KDM2B: variants seen among roughly 807,000 people sequenced by gnomAD.
KDM2B encodes lysine-specific demethylase 2B.
A neutral mutation model predicts 150.0 loss-of-function variants in KDM2B; 26 were observed. The observed-to-expected ratio is 0.17, with a 90% CI of 0.13 to 0.24. KDM2B has a LOEUF of 0.24. Ranked by LOEUF, KDM2B falls within the 10% of genes least tolerant of loss-of-function variation. The pLI is 1.00. For missense variants in KDM2B, 1,265 were observed against 1,816.9 expected, an observed-to-expected ratio of 0.70 and a Z score of 5.52; for synonymous variants, 734 against 729.5, an observed-to-expected ratio of 1.01 and a Z score of -0.10.
intron 6 of KDM2B, among the ~76,000 whole-genome samples, chr12:121,535,156 C>T (rs1555308504): frequency 6.6e-6 from 1 of 151,830 alleles, no homozygotes; most frequent in African/African-American, 2.4e-5. Flanking sequence ...AAGACCCCTG[C>T]CCCTAACTGT....
the KDM2B span, chr12:121,417,716 A>G: frequency 3.7e-6 from 6 of 1,614,104 alleles, no homozygotes. The surrounding 1 kb of genome is among the most constrained non-coding windows in gnomAD (Gnocchi z 5.0). Flanking sequence ...TGGTGGATCT[A>G]GTACTGTGCC....
chr12:121,441,256 C>A, intron 19 of KDM2B, 23 bp from the exon 20 acceptor site: 1 of 1,609,942 alleles, frequency 6.2e-7, no homozygotes, highest in South Asian at 1.1e-5. Flanking sequence ...CCCGTGGGGA[C>A]ACATCGTCAG....
intron 21 of KDM2B, 38 bp downstream of exon 21, chr12:121,440,776 TCA>T (rs1555287979): frequency 6.4e-7 from 1 of 1,565,182 alleles, no homozygotes; most frequent in Admixed American, 1.8e-5. Context: ...TCTAGCTCGC[TCA>T]CCCCACCCCC....
At chr12:121,441,786 C>T (rs1335347836) in intron 19 of KDM2B, among the ~76,000 whole-genome samples, 1 of 152,184 alleles carries the variant, frequency 6.6e-6, no homozygotes, top group Admixed American at 6.5e-5. Flanking sequence ...TCCAAACAAC[C>T]CCCATGAAGC....
chr12:121,483,769 C>T (rs545274386), intron 12 of KDM2B, among the ~76,000 whole-genome samples: 14 of 152,040 alleles, frequency 9.2e-5, no homozygotes, highest in Middle Eastern at 3.4e-3. Context: ...TGCAGAAGTG[C>T]AGTGGGGAGA....
At chr12:121,446,275 G>A (rs1288086654) in intron 13 of KDM2B, among the ~76,000 whole-genome samples, 5 of 152,190 alleles carry the variant, frequency 3.3e-5, no homozygotes, top group Admixed American at 6.5e-5. Flanking sequence ...GCGGGCGCCT[G>A]TAGTCCCAGC....
the KDM2B span, among the ~76,000 whole-genome samples, chr12:121,421,328 G>A: frequency 2.2e-5 from 3 of 135,280 alleles, no homozygotes; most frequent in African/African-American, 5.6e-5. Flanking sequence ...CTTGAGCCCA[G>A]GAGTTTGAGA....
intron 12 of KDM2B, among the ~76,000 whole-genome samples, chr12:121,478,455 G>A (rs1217527295): frequency 6.7e-6 from 1 of 149,710 alleles, no homozygotes; most frequent in African/African-American, 2.5e-5. Flanking sequence ...CGCCTCCCAA[G>A]TTCACGCCAT....
Position 121,549,025 on chromosome 12 carries a change from C to T in KDM2B, c.577-42G>A, listed in dbSNP as rs1889282786. On this transcript the variant is annotated intron_variant, in intron 5 of 22. Transcript: ENST00000377071. This position sits in a 1 kb window ranked among gnomAD's most constrained non-coding sequence, Gnocchi z 4.4. ...TGTGAGCACTGCATTTCTCCACTGC[C>T]GAGCCAGACACAAATACCCCTTTCC... The T allele has an allele frequency of 4.6e-6, 7 of 1,512,740 alleles. No homozygotes were observed. The highest frequency in any genetic ancestry group is 1.4e-5 in the African/African-American group (1 of 73,120). 93.7% of individuals were successfully genotyped at this position (1,512,740 alleles called of 1,614,324 possible).
chr12:121,506,048 C>T (rs1332442648), intron 11 of KDM2B, among the ~76,000 whole-genome samples: 3 of 149,936 alleles, frequency 2.0e-5, no homozygotes, highest in African/African-American at 7.3e-5. Flanking sequence ...CTTGTTCTGT[C>T]TCCCAGGCTG....
chr12:121,418,048 C>T, the KDM2B span: 3 of 935,426 alleles, frequency 3.2e-6, no homozygotes. Flanking sequence ...CCCAGCTGAA[C>T]TCTGCACTTA....
intron 22 of KDM2B, among the ~76,000 whole-genome samples, chr12:121,433,906 G>A (rs782101077): frequency 3.3e-5 from 5 of 152,006 alleles, no homozygotes; most frequent in Non-Finnish European, 1.5e-5. Context: ...TAGGCCGGGC[G>A]CGACTGCTCA....
chr12:121,570,974 GTCTA>G (rs1276499440), intron 4 of KDM2B, among the ~76,000 whole-genome samples: 1 of 152,200 alleles, frequency 6.6e-6, no homozygotes, highest in African/African-American at 2.4e-5. Context: ...ACAAAATGTA[GTCTA>G]TCCATACAAT....
chr12:121,524,145 A>C (rs1594044995), intron 8 of KDM2B, among the ~76,000 whole-genome samples: 1 of 151,630 alleles, frequency 6.6e-6, no homozygotes, highest in African/African-American at 2.4e-5. Context: ...CCACAAGCCT[A>C]CCTCCCTCCC....
At chr12:121,524,628 G>C in intron 8 of KDM2B, 1 of 431,664 alleles carries the variant, frequency 2.3e-6, no homozygotes, top group Non-Finnish European at 4.7e-6. Flanking sequence ...GCCTCCCTCA[G>C]TAAGAAGGAG....
rs1250965751 is a variant in KDM2B, at chr12:121,441,193, G to T, written c.3325C>A (p.His1109Asn). The T allele has an allele frequency of 1.2e-6, 2 of 1,614,180 alleles. No individual in the cohort carries two copies. The highest frequency in any genetic ancestry group is 8.5e-7 in the Non-Finnish European group (1 of 1,180,020). ...KRLWTRIDLN[H>N]CKSITPLMLS... ...ATCAGGGGTGTGATAGACTTGCAGT[G>T]GTTCAGGTCAATGCGGGTCCACAAC... The change falls in exon 20 of 23, where the codon CAC becomes AAC. Residue 1109 changes from histidine to asparagine, a missense_variant. Around this residue, in one of 11 missense-constraint regions of KDM2B, gnomAD observed 251 missense variants for 397.8 expected, o/e 0.63. Coordinates refer to ENST00000377071, the MANE Select transcript of KDM2B (RefSeq NM_032590.5).
rs1886709057 is a variant in KDM2B, at chr12:121,521,797, C to T, written c.932-697G>A. On this transcript the variant is annotated intron_variant, in intron 8 of 22. Coordinates refer to ENST00000377071, the MANE Select transcript of KDM2B (RefSeq NM_032590.5). The surrounding 1 kb of genome is among the most constrained non-coding windows in gnomAD (Gnocchi z 4.9). The stretch of plus-strand genomic sequence containing the variant: ...CAAACTCCTAGCCTGGAGCCAGACA[C>T]AGTCACCATCACAAGGGAAACGGAG... 6.6e-6 allele frequency among the ~76,000 whole-genome samples: 1 copy of T among 152,150 alleles called. No individual in the cohort carries two copies. The highest frequency in any genetic ancestry group is 2.4e-5 in the African/African-American group (1 of 41,448).
Position 121,537,085 on chromosome 12 carries a change from C to A in KDM2B, c.684-2495G>T, listed in dbSNP as rs944957289. Reference sequence around the variant, plus strand: ...CCGCCTCTTCCAGACCTGCCTCTCCCGGAGAGGCCCCTCCTCCCGGTGTCC... The same window carrying A: ...CCGCCTCTTCCAGACCTGCCTCTCCAGGAGAGGCCCCTCCTCCCGGTGTCC... On this transcript the variant is annotated intron_variant, in intron 6 of 22. Coordinates refer to ENST00000377071, the MANE Select transcript of KDM2B (RefSeq NM_032590.5). This position sits in a 1 kb window ranked among gnomAD's most constrained non-coding sequence, Gnocchi z 8.7. Among the ~76,000 whole-genome samples the A allele has an allele frequency of 6.0e-4, 91 of 152,152 alleles. No homozygotes were observed. Among genetic ancestry groups the A allele is most frequent in the Admixed American group, 9.8e-4 (15 of 15,286 alleles).
At chr12:121,580,010 A>AAG in intron 1 of KDM2B, 1 of 1,540,236 alleles carries the variant, frequency 6.5e-7, no homozygotes, top group Non-Finnish European at 8.7e-7. Flanking sequence ...AAAAAAAAAA[A>AAG]GCTACACACC....
Sources: allele counts gnomAD v4.1 joint callset (sites outside exome capture counted in the v4.1 genomes callset), GRCh38; gene constraint gnomAD v4.1.1; regional missense constraint gnomAD v4.1.1; non-coding constraint Gnocchi (gnomAD v3.1); transcripts MANE v1.5; gene names NCBI Gene and HGNC (gene_info 2026-07-23, HGNC 2026-07-21).